UNC13A: variants seen among roughly 807,000 people sequenced by gnomAD.
UNC13A encodes unc-13 homolog A.
UNC13A carries 61 observed loss-of-function variants against 219.7 expected under a neutral mutation model. That is an observed-to-expected ratio of 0.28 (90% CI 0.23 to 0.34). The LOEUF (loss-of-function observed/expected upper bound fraction) is 0.34, where lower values mean the gene tolerates loss of function less well. Ranked by LOEUF, UNC13A falls within the 10% of genes least tolerant of loss-of-function variation. The pLI is 1.00. For synonymous variants in UNC13A, 920 were observed against 884.6 expected (o/e 1.04, Z -0.71); for missense variants, 1,476 against 2,270.3 (o/e 0.65, Z 7.11).
Position 17,627,916 on chromosome 19 carries a change from G to A in UNC13A, c.3778C>T (p.Gln1260Ter), listed in dbSNP as rs780755195. The A allele has an allele frequency of 6.2e-7, 1 of 1,602,600 alleles. No individual in the cohort carries two copies. The highest frequency in any genetic ancestry group is 1.1e-5 in the South Asian group (1 of 89,682). Reference protein sequence around the residue: ...KVPCILMNNTQQLRVQLEKMF... With the variant: ...KVPCILMNNT The stretch of plus-strand genomic sequence containing the variant: ...TTCTCCAGCTGAACTCGTAGCTGTT[G>A]AGTGTTATTCATGAGAATGCAGGGC... Residue 1260 changes from glutamine to a stop codon, truncating the protein, a stop_gained, in exon 32 of 44, where the codon CAA becomes TAA. Coordinates refer to ENST00000519716, the MANE Select transcript of UNC13A (RefSeq NM_001080421.3). LOFTEE classifies it high-confidence loss of function. The surrounding 1 kb of genome is among the most constrained non-coding windows in gnomAD (Gnocchi z 4.7).
At chr19:17,676,193 C>T in intron 1 of UNC13A, 152 bp from the exon 2 acceptor site, 1 of 846,492 alleles carries the variant, frequency 1.2e-6, no homozygotes. Context: ...GCAAAAGAGA[C>T]AGATGTTAAA....
rs749743160 is a variant in UNC13A at position 17,618,950 on chromosome 19, T to A, written c.4285A>T (p.Ile1429Phe). 2.5e-6 allele frequency: 4 copies of A among 1,613,944 alleles called. No homozygotes were observed. Among genetic ancestry groups the A allele is most frequent in the Non-Finnish European group, 8.5e-7 (1 of 1,179,854 alleles). The change falls in exon 39 of 44, where the codon ATC (isoleucine) becomes TTC (phenylalanine). Residue 1429 changes from isoleucine (I) to phenylalanine (F), a missense_variant. Physicochemically the swap from Ile to Phe is conservative, Grantham distance 21 (BLOSUM62 0). Transcript: ENST00000519716. The part of the protein sequence containing the change: ...LPSHSDGTQM[I>F]FNAAKELGQL... ...CCCAGCTCCTTGGCTGCATTGAAGA[T>A]CATCTGGGTTCCCTGCAGGTAACAA... is the stretch of plus-strand genomic sequence containing the variant.
intron 16 of UNC13A, 80 bp from the exon 17 acceptor site, chr19:17,647,572 C>T: frequency 1.4e-6 from 2 of 1,401,910 alleles, no homozygotes; most frequent in South Asian, 2.5e-5. Context: ...CCCGCCCCTA[C>T]TCATCAACCG....
At chr19:17,648,782 GC>G in intron 15 of UNC13A, 129 bp downstream of exon 15, 1 of 1,476,912 alleles carries the variant, frequency 6.8e-7, no homozygotes, top group African/African-American at 1.4e-5. Flanking sequence ...CGGAATCCAC[GC>G]TGCCTTCTGC....
intron 1 of UNC13A, 96 bp from the exon 2 acceptor site, chr19:17,676,137 A>T: frequency 8.0e-7 from 1 of 1,245,176 alleles, no homozygotes; most frequent in Non-Finnish European, 1.2e-6. Flanking sequence ...ACCAAGATGG[A>T]GACATAAGGA....
At chr19:17,611,704 G>A in intron 42 of UNC13A, 59 bp downstream of exon 42, 2 of 1,492,758 alleles carry the variant, frequency 1.3e-6, no homozygotes, top group Non-Finnish European at 1.9e-6. Flanking sequence ...GCTTAAGCCA[G>A]TTTGAGTTTG....
chr19:17,621,729 A>AC (rs947864584), intron 37 of UNC13A, 103 bp downstream of exon 37: 44 of 1,241,538 alleles, frequency 3.5e-5, no homozygotes, highest in Non-Finnish European at 4.6e-5. Context: ...CCTACCCACG[A>AC]CCCCCAGCTG....
At chr19:17,642,212 C>T (rs1261996116) in intron 20 of UNC13A, among the ~76,000 whole-genome samples, 2 of 152,166 alleles carry the variant, frequency 1.3e-5, no homozygotes, top group Admixed American at 6.6e-5. Context: ...ATCCAGCAAT[C>T]TATCTATCCA....
chr19:17,639,000 TC>T, intron 25 of UNC13A, 82 bp downstream of exon 25: 1 of 1,439,158 alleles, frequency 6.9e-7, no homozygotes, highest in Non-Finnish European at 9.2e-7. Context: ...AAGAGTTAAA[TC>T]CCTCGGGAAG....
intron 6 of UNC13A, 123 bp from the exon 7 acceptor site, chr19:17,666,827 A>C: frequency 1.9e-6 from 1 of 525,048 alleles, no homozygotes; most frequent in Non-Finnish European, 3.1e-6. Flanking sequence ...CTCCCTCTCT[A>C]TGAGAAGGAT....
rs1482677908 is a variant in UNC13A, at chr19:17,641,422, G to A, written c.2607C>T (p.Tyr869=). ...TGGCTTGGTAGATGGACTCGACGCC[G>A]TAGCGCATGGCAAACTCGTCCACAA... The part of the protein sequence containing the change: ...QEIVDEFAMR[Y]GVESIYQAMT... The change falls in exon 21 of 44, where the codon TAC becomes TAT. Residue 869 remains tyrosine, a synonymous_variant. Transcript: ENST00000519716. The A allele has an allele frequency of 7.4e-6, 12 of 1,613,918 alleles. No individual in the cohort carries two copies. The highest frequency in any genetic ancestry group is 3.3e-5 in the South Asian group (3 of 91,078).
chr19:17,633,919 A>C (rs1419219183), intron 26 of UNC13A, among the ~76,000 whole-genome samples: 1 of 149,186 alleles, frequency 6.7e-6, no homozygotes, highest in Non-Finnish European at 1.5e-5. Context: ...CTTTCCATTC[A>C]TTCACCTAAT....
intron 20 of UNC13A, among the ~76,000 whole-genome samples, chr19:17,642,399 C>T (rs908353591): frequency 9.9e-5 from 15 of 152,196 alleles, no homozygotes; most frequent in African/African-American, 3.6e-4. Flanking sequence ...TCCATCTATC[C>T]ATCCATGTAC....
chr19:17,616,324 C>G (rs1020090700), intron 41 of UNC13A: 25 of 655,216 alleles, frequency 3.8e-5, no homozygotes, highest in African/African-American at 3.8e-4. Context: ...GGCAGAAGGA[C>G]GATCCTTTTA....
intron 1 of UNC13A, among the ~76,000 whole-genome samples, chr19:17,683,544 G>C (rs970267390): frequency 5.3e-5 from 8 of 151,984 alleles, no homozygotes; most frequent in Admixed American, 5.2e-4. Flanking sequence ...TGTAATCCCA[G>C]CTACTCGGGA....
chr19:17,687,276 G>C (rs2080132211), intron 1 of UNC13A, among the ~76,000 whole-genome samples: 1 of 152,110 alleles, frequency 6.6e-6, no homozygotes, highest in Non-Finnish European at 1.5e-5. Context: ...CCTCTGTGCA[G>C]ATGGCGTTCT....
Position 17,601,558 on chromosome 19 carries a change from G to C in UNC13A, c.*4496C>G, listed in dbSNP as rs182081351. 2.6e-3 allele frequency: 391 copies of C among 152,550 alleles called. 2 individuals are homozygous for C. Among genetic ancestry groups the C allele is most frequent in the Non-Finnish European group, 4.1e-3 (278 of 68,024 alleles). The allele number at this position is 152,550 out of a possible 1,614,324, so 9.4% of individuals were successfully genotyped here. On this transcript the variant is annotated 3_prime_UTR_variant, in exon 44 of 44. Coordinates refer to ENST00000519716, the MANE Select transcript of UNC13A (RefSeq NM_001080421.3). ...CAAAACAAAACAAAAAACAAACAAC[G>C]TTTTGATTTCACATCTGCAATCACA...
chr19:17,643,500 G>C (rs908047941), intron 19 of UNC13A, among the ~76,000 whole-genome samples: 11 of 151,592 alleles, frequency 7.3e-5, no homozygotes, highest in Middle Eastern at 6.9e-3. Context: ...TTTATTTTTA[G>C]TAGAGACGAG....
intron 8 of UNC13A, among the ~76,000 whole-genome samples, chr19:17,659,959 G>A (rs1029447135): frequency 4.6e-5 from 7 of 152,118 alleles, no homozygotes; most frequent in Admixed American, 2.6e-4. Flanking sequence ...GCAGTGGCGC[G>A]ATCAAAACTC....
Sources: allele counts gnomAD v4.1 joint callset (sites outside exome capture counted in the v4.1 genomes callset), GRCh38; gene constraint gnomAD v4.1.1; non-coding constraint Gnocchi (gnomAD v3.1); transcripts MANE v1.5; gene names NCBI Gene and HGNC (gene_info 2026-07-23, HGNC 2026-07-21).